SLC4A7: variants seen among roughly 807,000 people sequenced by gnomAD.
SLC4A7 encodes sodium bicarbonate cotransporter 3.
Under a neutral mutation model 137.6 loss-of-function variants are expected in SLC4A7, and 51 were observed. The ratio of observed to expected loss-of-function variants is 0.37; its 90% CI spans 0.30 to 0.47. The LOEUF (loss-of-function observed/expected upper bound fraction) is 0.47, where lower values mean the gene tolerates loss of function less well. SLC4A7 is among the 20% of genes least tolerant of loss of function. SLC4A7 has a pLI of 1.00. For missense variants in SLC4A7, 1,247 were observed against 1,525.4 expected, an observed-to-expected ratio of 0.82 and a Z score of 3.04; for synonymous variants, 542 against 518.6, an observed-to-expected ratio of 1.05 and a Z score of -0.61.
rs60223718 is a variant in SLC4A7, at chr3:27,380,314, TAAAAAAAAAAAA to T, written c.3591-970_3591-959del. ...AGAGCAAGACTCCATCTCCAGAATT[TAAAAAAAAAAAA>T]AAAAAAAGAGTACTATCCATTTATT... On this transcript the variant is annotated intron_variant, in intron 24 of 25. Transcript: ENST00000454389. Among the ~76,000 whole-genome samples the T allele has an allele frequency of 4.4e-5, 6 of 136,332 alleles. No homozygotes were observed. The South Asian group carries it at 7.0e-4, about 16-fold the overall frequency. The allele number at this position is 136,332 out of a possible 152,430, so 89.4% of individuals were successfully genotyped here. A position where few individuals can be genotyped will look rare whatever the true frequency, so the allele number is the denominator to read the frequency against.
At chr3:27,419,165 TTAAA>T (rs936059625) in intron 10 of SLC4A7, among the ~76,000 whole-genome samples, 4 of 151,994 alleles carry the variant, frequency 2.6e-5, no homozygotes, top group African/African-American at 7.2e-5. Context: ...AAACGCGTTA[TTAAA>T]TAAATAAATA....
chr3:27,413,929 C>A (rs1349691119), intron 11 of SLC4A7, among the ~76,000 whole-genome samples: 1 of 151,454 alleles, frequency 6.6e-6, no homozygotes, highest in African/African-American at 2.4e-5. Context: ...CTCTTACTTA[C>A]AGATTATTTG....
chr3:27,473,460 A>T (rs182787280), intron 1 of SLC4A7, among the ~76,000 whole-genome samples: 1 of 152,118 alleles, frequency 6.6e-6, no homozygotes, highest in East Asian at 1.9e-4. Context: ...GATCATGCCC[A>T]TAATCCCAGC....
At chr3:27,445,320 T>A (rs2057503938) in intron 3 of SLC4A7, among the ~76,000 whole-genome samples, 1 of 152,084 alleles carries the variant, frequency 6.6e-6, no homozygotes, top group Non-Finnish European at 1.5e-5. Flanking sequence ...CTCTTTGACC[T>A]CCCCAAATTC....
At chr3:27,480,566 T>A (rs1376330922) in intron 1 of SLC4A7, among the ~76,000 whole-genome samples, 2 of 152,048 alleles carry the variant, frequency 1.3e-5, no homozygotes, top group Admixed American at 1.3e-4. Flanking sequence ...CTCCCTTTAT[T>A]ACAACTCCAT....
Position 27,484,071 on chromosome 3 carries a change from C to T in SLC4A7, c.56G>A (p.Ser19Asn). The change falls in exon 1 of 26, where the codon AGC (serine) becomes AAC (asparagine). Residue 19 changes from serine to asparagine, a missense_variant. Coordinates refer to ENST00000454389, the MANE Select transcript of SLC4A7 (RefSeq NM_001321103.2). ...QMRPLLTRVT[S>N]RGPDEEAVVD... Reference sequence around the variant, plus strand: ...CCACCGCCGCGGCGCCCTCACCCTGCTCGTTACCCGGGTGAGTAGCGGTCT... The same window carrying T: ...CCACCGCCGCGGCGCCCTCACCCTGTTCGTTACCCGGGTGAGTAGCGGTCT... The T allele has an allele frequency of 7.1e-7, 1 of 1,409,772 alleles. No homozygotes were observed. 87.3% of individuals were successfully genotyped at this position (1,409,772 alleles called of 1,614,324 possible). A position where few individuals can be genotyped will look rare whatever the true frequency, so the allele number is the denominator to read the frequency against.
intron 15 of SLC4A7, 102 bp downstream of exon 15, chr3:27,403,037 T>C (rs1157446124): frequency 2.8e-6 from 3 of 1,090,630 alleles, no homozygotes; most frequent in Non-Finnish European, 2.6e-6. Flanking sequence ...TAAGTAGTTA[T>C]AGCTAGTTAC....
At chr3:27,427,750 T>C (rs138674775) in intron 7 of SLC4A7, among the ~76,000 whole-genome samples, 49 of 152,304 alleles carry the variant, frequency 3.2e-4, no homozygotes, top group African/African-American at 1.1e-3. Flanking sequence ...TCCTCAGCAG[T>C]TACATACTAT....
chr3:27,408,428 G>A (rs2053590765), intron 13 of SLC4A7, among the ~76,000 whole-genome samples: 1 of 152,026 alleles, frequency 6.6e-6, no homozygotes, highest in Admixed American at 6.5e-5. Context: ...TAAAGACTAA[G>A]GTAAAAAGAT....
chr3:27,454,480 T>A (rs550037650), intron 1 of SLC4A7, among the ~76,000 whole-genome samples: 3 of 152,018 alleles, frequency 2.0e-5, no homozygotes, highest in South Asian at 2.1e-4. Context: ...AAGAAAAAAA[T>A]TTTTTAATAA....
At chr3:27,435,233 A>G (rs1271409623) in intron 5 of SLC4A7, among the ~76,000 whole-genome samples, 1 of 152,158 alleles carries the variant, frequency 6.6e-6, no homozygotes, top group Non-Finnish European at 1.5e-5. Context: ...ATTCATTACT[A>G]CCAAAGTTAA....
rs138919601 is a variant in SLC4A7, at chr3:27,419,296, C to T, written c.1513-664G>A. On this transcript the variant is annotated intron_variant, in intron 10 of 25. Transcript: ENST00000454389. The stretch of plus-strand genomic sequence containing the variant: ...CTTAAAGGAGGTAACTGACCAGGCA[C>T]GGTGGCTCATGCCTGTAATTCCCGC... 3.8e-3 allele frequency among the ~76,000 whole-genome samples: 581 copies of T among 151,994 alleles called. 3 individuals are homozygous for T. The highest frequency in any genetic ancestry group is 0.013 in the African/African-American group (554 of 41,530).
At chr3:27,481,640 TC>T (rs546669383) in intron 1 of SLC4A7, among the ~76,000 whole-genome samples, 165 of 152,344 alleles carry the variant, frequency 1.1e-3, no homozygotes, top group Admixed American at 3.5e-3. Context: ...TTTACTATTC[TC>T]CCATTCTATT....
At chr3:27,396,796 G>C (rs1273065610) in intron 18 of SLC4A7, among the ~76,000 whole-genome samples, 2 of 152,100 alleles carry the variant, frequency 1.3e-5, no homozygotes, top group Non-Finnish European at 2.9e-5. Flanking sequence ...ATAAGCAAAG[G>C]AGGATGGAAG....
intron 3 of SLC4A7, among the ~76,000 whole-genome samples, chr3:27,441,461 T>A (rs1319342921): frequency 6.6e-6 from 1 of 152,332 alleles, no homozygotes; most frequent in East Asian, 1.9e-4. Flanking sequence ...AGTTTTAGAC[T>A]ACACATTTAA....
At chr3:27,397,636 T>C (rs1426730310) in intron 18 of SLC4A7, 48 bp downstream of exon 18, 2 of 859,584 alleles carry the variant, frequency 2.3e-6, no homozygotes, top group Non-Finnish European at 3.9e-6. Flanking sequence ...TGCTTTAAAG[T>C]AGTGTGGTAT....
chr3:27,373,120 A>G lies in SLC4A7; in HGVS notation c.*3644T>C, dbSNP rs1272840704. The G allele has an allele frequency of 6.6e-6, 1 of 152,214 alleles. No individual in the cohort carries two copies. Among genetic ancestry groups the G allele is most frequent in the Non-Finnish European group, 1.5e-5 (1 of 67,942 alleles). The allele number at this position is 152,214 out of a possible 1,614,324, so 9.4% of individuals were successfully genotyped here. On this transcript the variant is annotated 3_prime_UTR_variant, in exon 26 of 26. Coordinates refer to ENST00000454389, the MANE Select transcript of SLC4A7 (RefSeq NM_001321103.2). ...TAAAGCAACAAAAGCCACAACACAAAAACTAATCAGTGTGCAAAAATCTGA... is the reference window on the plus strand; with the variant it reads ...TAAAGCAACAAAAGCCACAACACAAGAACTAATCAGTGTGCAAAAATCTGA...
At position 27,375,991 on chromosome 3, in the gene SLC4A7, T is replaced by A. The variant is rs1161747100; in HGVS notation, c.*773A>T. The A allele has an allele frequency of 6.6e-6, 1 of 151,970 alleles. No individual in the cohort carries two copies. The highest frequency in any genetic ancestry group is 6.6e-5 in the Admixed American group (1 of 15,260). The allele number at this position is 151,970 out of a possible 1,614,324, so 9.4% of individuals were successfully genotyped here. A position where few individuals can be genotyped will look rare whatever the true frequency, so the allele number is the denominator to read the frequency against. On this transcript the variant is annotated 3_prime_UTR_variant, in exon 26 of 26. Transcript: ENST00000454389. Reference sequence around the variant, plus strand: ...ATTGGCTTTAAAAGAGCATAAGGATTCAGAAAAAATATTCTACAAAGGCAT... The same window carrying A: ...ATTGGCTTTAAAAGAGCATAAGGATACAGAAAAAATATTCTACAAAGGCAT...
chr3:27,426,593 T>A (rs571344562), intron 7 of SLC4A7, among the ~76,000 whole-genome samples: 2 of 152,248 alleles, frequency 1.3e-5, no homozygotes, highest in East Asian at 3.9e-4. Context: ...AAAAGTGGAA[T>A]GATGAGAAGA....
Sources: allele counts gnomAD v4.1 joint callset (sites outside exome capture counted in the v4.1 genomes callset), GRCh38; gene constraint gnomAD v4.1.1; transcripts MANE v1.5; gene names NCBI Gene and HGNC (gene_info 2026-07-23, HGNC 2026-07-21).